GRIN3A: variants seen among roughly 807,000 people sequenced by gnomAD.
The protein encoded by GRIN3A is glutamate ionotropic receptor NMDA type subunit 3A, also known as glutamate receptor ionotropic, NMDA 3A.
A neutral mutation model predicts 92.4 loss-of-function variants in GRIN3A; 47 were observed. That is an observed-to-expected ratio of 0.51 (90% CI 0.40 to 0.65). The LOEUF is 0.65. Among genes scored for constraint, GRIN3A ranks in the 30% least tolerant of loss-of-function variants. GRIN3A has a pLI of 0.00. For missense variants in GRIN3A, 1,324 were observed against 1,393.1 expected, an observed-to-expected ratio of 0.95 and a Z score of 0.79; for synonymous variants, 527 against 540.6, an observed-to-expected ratio of 0.97 and a Z score of 0.35.
chr9:101,673,353 C>T (rs1023383624), intron 2 of GRIN3A, among the ~76,000 whole-genome samples: 1 of 152,092 alleles, frequency 6.6e-6, no homozygotes, highest in African/African-American at 2.4e-5. Context: ...GCCCAGTTGT[C>T]TTTGAGCCAG....
intron 6 of GRIN3A, among the ~76,000 whole-genome samples, chr9:101,602,004 A>G (rs972326787): frequency 6.6e-6 from 1 of 152,218 alleles, no homozygotes; most frequent in African/African-American, 2.4e-5. Context: ...ACAGAAGGAC[A>G]GAGGGAAGGA....
chr9:101,725,880 A>G (rs1830077427), intron 1 of GRIN3A, among the ~76,000 whole-genome samples: 1 of 152,238 alleles, frequency 6.6e-6, no homozygotes. Context: ...TGCCATGGTC[A>G]GACAGACCTT....
chr9:101,689,060 A>G (rs879379925), intron 1 of GRIN3A, among the ~76,000 whole-genome samples: 3 of 152,098 alleles, frequency 2.0e-5, no homozygotes, highest in Non-Finnish European at 4.4e-5. Flanking sequence ...TTTGATTTGT[A>G]TAAATTGCTC....
At chr9:101,587,596 A>G (rs1827966008) in intron 6 of GRIN3A, among the ~76,000 whole-genome samples, 1 of 152,220 alleles carries the variant, frequency 6.6e-6, no homozygotes, top group Non-Finnish European at 1.5e-5. Flanking sequence ...AATTACATTT[A>G]CTCTGACATT....
intron 2 of GRIN3A, among the ~76,000 whole-genome samples, chr9:101,673,115 C>A (rs1402021359): frequency 6.6e-6 from 1 of 151,998 alleles, no homozygotes; most frequent in East Asian, 1.9e-4. Context: ...GAAAGAGGAA[C>A]CCTTCATTAT....
rs189244291 is a variant in GRIN3A, at chr9:101,664,158, C to T, written c.2352+5902G>A. The stretch of plus-strand genomic sequence containing the variant: ...TTAGACTGCAGACCCAAAGAGAAAC[C>T]TCACTGGATAAAAACACGGCTGCAG... On this transcript the variant is annotated intron_variant, in intron 3 of 8. Transcript: ENST00000361820. Among the ~76,000 whole-genome samples the T allele has an allele frequency of 5.5e-4, 83 of 152,000 alleles. No individual in the cohort carries two copies. In the East Asian group the frequency reaches 0.014, roughly 26 times the overall value.
chr9:101,651,643 T>C (rs74965626), intron 3 of GRIN3A, among the ~76,000 whole-genome samples: 6 of 142,496 alleles, frequency 4.2e-5, no homozygotes, highest in South Asian at 2.4e-4. Context: ...CCATTGTGTG[T>C]GTGTGTGTGT....
chr9:101,682,584 A>T (rs116629549), intron 2 of GRIN3A, among the ~76,000 whole-genome samples: 237 of 152,378 alleles, frequency 1.6e-3, no homozygotes, highest in African/African-American at 5.5e-3. Flanking sequence ...CCATAGTTCA[A>T]CACATGGTCA....
At chr9:101,661,448 T>A (rs1829170549) in intron 3 of GRIN3A, among the ~76,000 whole-genome samples, 1 of 151,878 alleles carries the variant, frequency 6.6e-6, no homozygotes, top group Non-Finnish European at 1.5e-5. Flanking sequence ...TTATAGCATG[T>A]ACATATGCAT....
At chr9:101,577,156 G>A (rs943270313) in intron 8 of GRIN3A, among the ~76,000 whole-genome samples, 1 of 152,268 alleles carries the variant, frequency 6.6e-6, no homozygotes, top group African/African-American at 2.4e-5. Context: ...GATGCTCTTT[G>A]CTAGGGAGTT....
At chr9:101,588,626 C>T (rs1827979684) in intron 6 of GRIN3A, among the ~76,000 whole-genome samples, 1 of 152,122 alleles carries the variant, frequency 6.6e-6, no homozygotes, top group Admixed American at 6.5e-5. Context: ...TGTGAGATTA[C>T]CCATAATCCT....
intron 2 of GRIN3A, among the ~76,000 whole-genome samples, chr9:101,678,406 T>C (rs893834990): frequency 1.2e-4 from 19 of 152,178 alleles, no homozygotes; most frequent in Admixed American, 4.6e-4. Context: ...GGTTTGGAAA[T>C]TGCTAAATTT....
intron 6 of GRIN3A, among the ~76,000 whole-genome samples, chr9:101,587,950 G>A (rs1263988082): frequency 1.3e-5 from 2 of 152,094 alleles, no homozygotes; most frequent in African/African-American, 4.8e-5. Context: ...ATTGCCTCCT[G>A]ATTATTTTGC....
intron 6 of GRIN3A, among the ~76,000 whole-genome samples, chr9:101,601,741 T>G (rs1205587712): frequency 6.6e-6 from 1 of 152,160 alleles, no homozygotes; most frequent in Admixed American, 6.5e-5. Context: ...GCCTTCATCA[T>G]CACATGGTGC....
At chr9:101,581,276 G>T (rs146691403) in intron 6 of GRIN3A, among the ~76,000 whole-genome samples, 1 of 152,258 alleles carries the variant, frequency 6.6e-6, no homozygotes, top group Non-Finnish European at 1.5e-5. Context: ...CCTGAGGGTA[G>T]CATAAACAAA....
chr9:101,693,281 G>A (rs1211314479), intron 1 of GRIN3A, among the ~76,000 whole-genome samples: 1 of 149,816 alleles, frequency 6.7e-6, no homozygotes, highest in African/African-American at 2.5e-5. Flanking sequence ...ATTGCACGGA[G>A]GGGTCACACG....
intron 4 of GRIN3A, among the ~76,000 whole-genome samples, chr9:101,625,669 G>C (rs1344955737): frequency 6.6e-6 from 1 of 152,184 alleles, no homozygotes; most frequent in Non-Finnish European, 1.5e-5. Context: ...CTACAGTAAT[G>C]GGAAGCTTTA....
intron 3 of GRIN3A, among the ~76,000 whole-genome samples, chr9:101,633,999 C>T (rs552004268): frequency 6.6e-5 from 10 of 152,076 alleles, no homozygotes; most frequent in African/African-American, 2.2e-4. Flanking sequence ...GTGCCTGTTA[C>T]GCTGTTACTT....
rs189393146 is a variant in GRIN3A at position 101,618,641 on chromosome 9, C to G, written c.2614+4677G>C. On this transcript the variant is annotated intron_variant, in intron 5 of 8. Coordinates refer to ENST00000361820, the MANE Select transcript of GRIN3A (RefSeq NM_133445.3). ...AATAATCATTTTTAGCTAATGAAAACAAACTATGCATATGGAATGATGGGA... is the reference window on the plus strand; with the variant it reads ...AATAATCATTTTTAGCTAATGAAAAGAAACTATGCATATGGAATGATGGGA... Among the ~76,000 whole-genome samples, 30 of 152,060 alleles carry G rather than the reference C, an allele frequency of 2.0e-4. No individual in the cohort carries two copies. The East Asian group carries it at 5.8e-3, about 29-fold the overall frequency.
Sources: allele counts gnomAD v4.1 joint callset (sites outside exome capture counted in the v4.1 genomes callset), GRCh38; gene constraint gnomAD v4.1.1; transcripts MANE v1.5; gene names NCBI Gene and HGNC (gene_info 2026-07-23, HGNC 2026-07-21).